The following PNKD variants were observed in gnomAD, a reference collection of about 807,000 sequenced individuals.
PNKD encodes the protein PNKD metallo-beta-lactamase domain containing.
Under a neutral mutation model 45.3 loss-of-function variants are expected in PNKD, and 36 were observed. The ratio of observed to expected loss-of-function variants is 0.80; its 90% CI spans 0.61 to 1.05. PNKD has a LOEUF of 1.05. Among genes scored for constraint, PNKD ranks in the 50% least tolerant of loss-of-function variants. PNKD has a pLI of 0.00. For synonymous variants in PNKD, 197 were observed against 210.1 expected (o/e 0.94, Z 0.54); for missense variants, 511 against 506.6 (o/e 1.01, Z -0.08).
At chr2:218,339,223 T>C (rs1694595658) in intron 2 of PNKD, among the ~76,000 whole-genome samples, 1 of 152,074 alleles carries the variant, frequency 6.6e-6, no homozygotes, top group South Asian at 2.1e-4. Context: ...TCATCAGAGG[T>C]GCTAGACCCT....
intron 9 of PNKD, 34 bp downstream of exon 9, chr2:218,344,604 G>T (rs772167559): frequency 6.5e-7 from 1 of 1,546,830 alleles, no homozygotes; most frequent in South Asian, 1.1e-5. Context: ...GAGCTGTGTG[G>T]GCAGGCACTC....
chr2:218,342,124 T>A lies in PNKD; in HGVS notation c.761T>A (p.Leu254Gln). ...KGPSCLFSGDLLFLSGCGRTF... is the reference protein window; with the variant it reads ...KGPSCLFSGDQLFLSGCGRTF... ...CCCTCCTGCCTCTTCTCAGGGGACC[T>A]GCTCTTCCTCTCTGGCTGTGGTGAG... is the stretch of plus-strand genomic sequence containing the variant. The change falls in exon 7 of 10, where the codon CTG (leucine) becomes CAG (glutamine). Residue 254 changes from leucine to glutamine, a missense_variant. Physicochemically the swap from Leu to Gln is moderately radical, Grantham distance 113. Transcript: ENST00000273077. The A allele has an allele frequency of 6.2e-7, 1 of 1,613,538 alleles. No individual in the cohort carries two copies. Among genetic ancestry groups the A allele is most frequent in the Non-Finnish European group, 8.5e-7 (1 of 1,179,860 alleles).
At chr2:218,272,962 G>A in intron 2 of PNKD, 1 of 1,433,894 alleles carries the variant, frequency 7.0e-7, no homozygotes, top group Non-Finnish European at 9.2e-7. Flanking sequence ...GTCTGGGTTT[G>A]TGAGTCCCTT....
At position 218,271,382 on chromosome 2, in the gene PNKD, G is replaced by A. The variant is rs761897018; in HGVS notation, c.69G>A (p.Gly23=). The A allele has an allele frequency of 1.3e-5, 21 of 1,613,858 alleles. No homozygotes were observed. The highest frequency in any genetic ancestry group is 1.8e-5 in the Non-Finnish European group (21 of 1,179,828). ...GACCTTCCTTACCTCCATCCACAGG[G>A]ATTCTCGCAGGAGCCACAGCTAACA... ...RGARNARVLR[G]ILAGATANKA... is the part of the protein sequence containing the mutation. Residue 23 remains glycine, a splice_region_variant and synonymous_variant, in exon 2 of 10, where the codon GGG becomes GGA. Transcript: ENST00000273077.
Position 218,326,408 on chromosome 2 carries a change from C to T in PNKD, c.237-13375C>T, listed in dbSNP as rs796679797. Among the ~76,000 whole-genome samples the T allele has an allele frequency of 8.5e-5, 13 of 152,284 alleles. No individual in the cohort carries two copies. Among genetic ancestry groups the T allele is most frequent in the African/African-American group, 3.1e-4 (13 of 41,550 alleles). On this transcript the variant is annotated intron_variant, in intron 2 of 9. Transcript: ENST00000273077. This position sits in a 1 kb window ranked among gnomAD's most constrained non-coding sequence, Gnocchi z 4.1. ...AGACAGTGTGGATTGTAGCAAAGCA[C>T]ACAGCATGTGGGGTCGAACAAATCT...
intron 1 of PNKD, 62 bp downstream of exon 1, chr2:218,270,664 C>T (rs930484311): frequency 6.1e-6 from 3 of 495,032 alleles, no homozygotes; most frequent in East Asian, 3.5e-5. Context: ...TCACGTCCAG[C>T]CCGACGATAG....
At chr2:218,327,591 C>T (rs912824105) in intron 2 of PNKD, among the ~76,000 whole-genome samples, 1 of 152,144 alleles carries the variant, frequency 6.6e-6, no homozygotes, top group African/African-American at 2.4e-5. Context: ...AAGTGTGGCT[C>T]TGATCAAGTG....
chr2:218,299,205 G>T (rs1020136013), intron 2 of PNKD, among the ~76,000 whole-genome samples: 3 of 151,966 alleles, frequency 2.0e-5, no homozygotes, highest in Non-Finnish European at 2.9e-5. Flanking sequence ...GCAATGGCGC[G>T]ATCTTGGCTC....
intron 7 of PNKD, among the ~76,000 whole-genome samples, chr2:218,342,824 A>T (rs1358143950): frequency 1.3e-5 from 2 of 152,170 alleles, no homozygotes; most frequent in Admixed American, 6.5e-5. Context: ...GTTCAAGACC[A>T]GCTTGGGCAA....
intron 2 of PNKD, among the ~76,000 whole-genome samples, chr2:218,323,794 G>A (rs771383881): frequency 6.6e-6 from 1 of 150,610 alleles, no homozygotes; most frequent in Admixed American, 6.6e-5. Flanking sequence ...CTGTCCGGGG[G>A]TGAGGTCAGC....
At chr2:218,278,249 C>G (rs916677621) in intron 2 of PNKD, 4 of 603,658 alleles carry the variant, frequency 6.6e-6, no homozygotes, top group Non-Finnish European at 1.2e-5. Context: ...GTTACTCAGC[C>G]TCTTTGAGCC....
intron 2 of PNKD, among the ~76,000 whole-genome samples, chr2:218,322,626 C>A (rs1254569286): frequency 6.6e-6 from 1 of 152,206 alleles, no homozygotes; most frequent in African/African-American, 2.4e-5. Context: ...TGCTCCATAT[C>A]ATTGCCCCCT....
intron 9 of PNKD, 56 bp from the exon 10 acceptor site, chr2:218,344,752 G>C (rs745589065): frequency 1.3e-6 from 2 of 1,573,406 alleles, no homozygotes; most frequent in Non-Finnish European, 1.7e-6. Flanking sequence ...AGGCTTCTCT[G>C]TCTTGGGTCC....
chr2:218,281,182 G>A (rs1436296089), intron 2 of PNKD, among the ~76,000 whole-genome samples: 5 of 129,264 alleles, frequency 3.9e-5, no homozygotes, highest in African/African-American at 1.2e-4. Flanking sequence ...TGCTCAGGCT[G>A]AAGTGCAGTA....
intron 2 of PNKD, chr2:218,279,340 A>C: frequency 6.3e-7 from 1 of 1,583,992 alleles, no homozygotes; most frequent in Non-Finnish European, 8.6e-7. Context: ...CTGCACGGAG[A>C]TGATGGAGTA....
intron 2 of PNKD, chr2:218,275,528 C>T: frequency 6.2e-7 from 1 of 1,614,152 alleles, no homozygotes; most frequent in Non-Finnish European, 8.5e-7. Flanking sequence ...TAGATGATGT[C>T]TGTGTAAATC....
At chr2:218,302,880 T>G (rs1330702092) in intron 2 of PNKD, among the ~76,000 whole-genome samples, 3 of 152,154 alleles carry the variant, frequency 2.0e-5, no homozygotes, top group Non-Finnish European at 4.4e-5. Flanking sequence ...AAAAATTTTC[T>G]GATTGGCAAT....
At position 218,307,346 on chromosome 2, in the gene PNKD, C is replaced by A. The variant is rs116658512; in HGVS notation, c.237-32437C>A. 6.3e-3 allele frequency among the ~76,000 whole-genome samples: 965 copies of A among 152,048 alleles called. 4 individuals carry two copies. Among genetic ancestry groups the A allele is most frequent in the Non-Finnish European group, 0.011 (738 of 68,008 alleles). ...TATATAATAAAATAATCATACAACT[C>A]ACCATAAGGTACAATCAATGGGAAC... On this transcript the variant is annotated intron_variant, in intron 2 of 9. Transcript: ENST00000273077.
chr2:218,289,800 G>A (rs1253160733), intron 2 of PNKD, among the ~76,000 whole-genome samples: 1 of 152,122 alleles, frequency 6.6e-6, no homozygotes, highest in Non-Finnish European at 1.5e-5. Flanking sequence ...AGAGGCAGAA[G>A]TACATGGCAT....
Sources: allele counts gnomAD v4.1 joint callset (sites outside exome capture counted in the v4.1 genomes callset), GRCh38; gene constraint gnomAD v4.1.1; non-coding constraint Gnocchi (gnomAD v3.1); transcripts MANE v1.5; gene names NCBI Gene and HGNC (gene_info 2026-07-23, HGNC 2026-07-21).